The following IFT43 variants were observed in gnomAD, a reference collection of about 807,000 sequenced individuals.
IFT43 encodes intraflagellar transport 43.
A neutral mutation model predicts 32.3 loss-of-function variants in IFT43; 33 were observed. The observed-to-expected ratio is 1.02, with a 90% CI of 0.77 to 1.37. IFT43 has a LOEUF of 1.37. IFT43 is among the 40% of genes most tolerant of loss of function. The probability of loss-of-function intolerance (pLI) is 0.00; values close to 1 mark genes in which losing one functional copy is unlikely to be tolerated. For synonymous variants in IFT43, 93 were observed against 98.2 expected, an observed-to-expected ratio of 0.95 and a Z score of 0.31; for missense variants, 274 against 265.9, an observed-to-expected ratio of 1.03 and a Z score of -0.21.
intron 5 of IFT43, among the ~76,000 whole-genome samples, chr14:76,063,026 T>C (rs2037171382): frequency 6.6e-6 from 1 of 152,024 alleles, no homozygotes; most frequent in African/African-American, 2.4e-5. Context: ...CTTAAATCAA[T>C]TTGAGCATTT....
At chr14:76,047,364 TC>T (rs2036827928) in intron 3 of IFT43, among the ~76,000 whole-genome samples, 1 of 152,192 alleles carries the variant, frequency 6.6e-6, no homozygotes, top group Non-Finnish European at 1.5e-5. Context: ...GTTTCTGAGT[TC>T]CCTCTGTTTG....
At chr14:75,995,862 A>G (rs1479221690) in intron 2 of IFT43, among the ~76,000 whole-genome samples, 1 of 152,156 alleles carries the variant, frequency 6.6e-6, no homozygotes, top group African/African-American at 2.4e-5. Flanking sequence ...TCCACACTTC[A>G]TATTTATGTC....
intron 3 of IFT43, among the ~76,000 whole-genome samples, chr14:76,032,442 G>A (rs1390927529): frequency 6.6e-6 from 1 of 152,120 alleles, no homozygotes; most frequent in East Asian, 1.9e-4. Context: ...CCTTACCATG[G>A]CTTACAAGGT....
chr14:76,081,948 G>A lies in IFT43; in HGVS notation c.296-347G>A, dbSNP rs115836117. Among the ~76,000 whole-genome samples the A allele has an allele frequency of 6.1e-3, 924 of 152,246 alleles. 13 individuals are homozygous for A. Among genetic ancestry groups the A allele is most frequent in the African/African-American group, 0.021 (875 of 41,526 alleles). Reference sequence around the variant, plus strand: ...CAGTTCCTCTTCTTTCCTCTAATAAGCCCTTTGTTACATTTATTTCTTTAC... The same window carrying A: ...CAGTTCCTCTTCTTTCCTCTAATAAACCCTTTGTTACATTTATTTCTTTAC... On this transcript the variant is annotated intron_variant, in intron 5 of 8. Transcript: ENST00000314067.
chr14:75,991,373 A>G (rs902491386), intron 2 of IFT43, among the ~76,000 whole-genome samples: 2 of 135,332 alleles, frequency 1.5e-5, no homozygotes, highest in Non-Finnish European at 3.0e-5. Flanking sequence ...ATATATATAT[A>G]TAAATATTAA....
At chr14:76,056,855 T>A (rs560489496) in intron 3 of IFT43, among the ~76,000 whole-genome samples, 17 of 152,310 alleles carry the variant, frequency 1.1e-4, no homozygotes, top group African/African-American at 4.1e-4. Context: ...TGGGTGCTCT[T>A]CCTTTAGGAT....
intron 5 of IFT43, among the ~76,000 whole-genome samples, chr14:76,081,876 T>C (rs987247995): frequency 1.3e-5 from 2 of 152,174 alleles, no homozygotes; most frequent in Non-Finnish European, 2.9e-5. Context: ...TTTGTGACAC[T>C]ACATGTTCTC....
intron 5 of IFT43, among the ~76,000 whole-genome samples, chr14:76,081,247 C>G (rs2037505318): frequency 6.6e-6 from 1 of 152,234 alleles, no homozygotes; most frequent in African/African-American, 2.4e-5. Flanking sequence ...TCTTTGAAAA[C>G]TAAGATTGAA....
chr14:76,026,654 T>A (rs190648327), intron 3 of IFT43, among the ~76,000 whole-genome samples: 5 of 151,988 alleles, frequency 3.3e-5, no homozygotes, highest in African/African-American at 1.2e-4. Flanking sequence ...ATTAGTTCAG[T>A]CATTGTGGAA....
intron 2 of IFT43, among the ~76,000 whole-genome samples, chr14:76,018,646 A>T (rs2036234784): frequency 6.6e-6 from 1 of 152,112 alleles, no homozygotes; most frequent in African/African-American, 2.4e-5. Flanking sequence ...TGACAGTTGG[A>T]TGTTGAAGTC....
chr14:76,015,184 G>T (rs755594480), intron 2 of IFT43, among the ~76,000 whole-genome samples: 13 of 152,188 alleles, frequency 8.5e-5, no homozygotes, highest in South Asian at 6.2e-4. Flanking sequence ...GGGTATTTGT[G>T]TGTGCCCCTA....
chr14:76,081,001 T>C (rs1317017285), intron 5 of IFT43, among the ~76,000 whole-genome samples: 1 of 152,246 alleles, frequency 6.6e-6, no homozygotes, highest in Non-Finnish European at 1.5e-5. Context: ...TCCCTTGTTT[T>C]CTCTGCCTGT....
rs529259443 is a variant in IFT43 at position 75,994,454 on chromosome 14, A to G, written c.147+5477A>G. 2.0e-5 allele frequency among the ~76,000 whole-genome samples: 3 copies of G among 152,262 alleles called. No individual in the cohort carries two copies. In the East Asian group the frequency reaches 5.8e-4, roughly 29 times the overall value. The stretch of plus-strand genomic sequence containing the variant: ...ACCAGAAAGATGAACTCTTTGTGTG[A>G]TTTTACTAGTTTGGAGTAGATTGGA... On this transcript the variant is annotated intron_variant, in intron 2 of 8. Coordinates refer to ENST00000314067, the MANE Select transcript of IFT43 (RefSeq NM_001102564.3).
intron 5 of IFT43, among the ~76,000 whole-genome samples, chr14:76,074,769 A>G (rs1164211535): frequency 6.6e-6 from 1 of 152,144 alleles, no homozygotes; most frequent in Non-Finnish European, 1.5e-5. Context: ...CTCCAGAGCC[A>G]AGTCGACGTG....
intron 6 of IFT43, 91 bp from the exon 7 acceptor site, chr14:76,082,526 T>C (rs1274190345): frequency 6.8e-7 from 1 of 1,460,338 alleles, no homozygotes; most frequent in Non-Finnish European, 9.6e-7. Context: ...CATCCCCTGC[T>C]GTATACAAGG....
chr14:76,023,581 G>C (rs2036335380), intron 3 of IFT43, among the ~76,000 whole-genome samples: 1 of 152,228 alleles, frequency 6.6e-6, no homozygotes, highest in Non-Finnish European at 1.5e-5. Flanking sequence ...ACTTGTAGAT[G>C]TTGGCTATTA....
intron 2 of IFT43, among the ~76,000 whole-genome samples, chr14:76,007,033 A>G (rs1003675123): frequency 1.3e-5 from 2 of 151,536 alleles, no homozygotes; most frequent in African/African-American, 4.8e-5. Context: ...AATTTTTTCT[A>G]TTTTTTGTAG....
intron 3 of IFT43, among the ~76,000 whole-genome samples, chr14:76,040,188 C>T (rs373513085): frequency 6.6e-6 from 1 of 151,360 alleles, no homozygotes; most frequent in East Asian, 1.9e-4. Flanking sequence ...CTCCTGGGCT[C>T]AAGCCAGTAC....
At chr14:75,988,413 G>A (rs11620780) in intron 1 of IFT43, among the ~76,000 whole-genome samples, 2 of 152,200 alleles carry the variant, frequency 1.3e-5, no homozygotes, top group East Asian at 3.9e-4. Flanking sequence ...TTTGTTTTAA[G>A]GGGTTTTAGA....
Sources: allele counts gnomAD v4.1 joint callset (sites outside exome capture counted in the v4.1 genomes callset), GRCh38; gene constraint gnomAD v4.1.1; transcripts MANE v1.5; gene names NCBI Gene and HGNC (gene_info 2026-07-23, HGNC 2026-07-21).